Variants in TUSC3 observed in about 807,000 individuals in gnomAD.
The protein encoded by TUSC3 is tumor suppressor candidate 3.
A neutral mutation model predicts 44.8 loss-of-function variants in TUSC3; 45 were observed. The ratio of observed to expected loss-of-function variants is 1.00; its 90% CI spans 0.79 to 1.29. The LOEUF (loss-of-function observed/expected upper bound fraction) is 1.29. Among genes scored for constraint, TUSC3 ranks in the 50% most tolerant of loss-of-function variants. The pLI is 0.00. For missense variants in TUSC3, 519 were observed against 437.9 expected (o/e 1.19, Z -1.65); for synonymous variants, 212 against 152.9 (o/e 1.39, Z -2.85).
chr8:15,796,621 T>C, the TUSC3 span, among the ~76,000 whole-genome samples: 15 of 152,170 alleles, frequency 9.9e-5, no homozygotes, highest in Non-Finnish European at 1.6e-4. Flanking sequence ...GAACCAGCCA[T>C]AGGCATTTAG....
intron 8 of TUSC3, among the ~76,000 whole-genome samples, chr8:15,747,329 T>C (rs1000241847): frequency 6.6e-6 from 1 of 152,074 alleles, no homozygotes; most frequent in Admixed American, 6.6e-5. Context: ...ATTTTTCAAA[T>C]TGTTTAGAAT....
the TUSC3 span, among the ~76,000 whole-genome samples, chr8:15,827,073 C>T: frequency 4.9e-4 from 75 of 152,272 alleles, no homozygotes; most frequent in Non-Finnish European, 8.2e-4. Flanking sequence ...ACATTTCTGA[C>T]ATTAGCATCC....
chr8:15,538,443 T>C (rs1197144010), upstream of TUSC3, among the ~76,000 whole-genome samples: 2 of 151,940 alleles, frequency 1.3e-5, no homozygotes, highest in African/African-American at 2.4e-5. Context: ...AAAAGTGATA[T>C]ATATTTGTAA....
the TUSC3 span, chr8:15,806,424 A>T: frequency 1.4e-5 from 9 of 654,940 alleles, no homozygotes; most frequent in East Asian, 2.5e-4. Flanking sequence ...TGCATTTGGA[A>T]ACCAGAGAAA....
chr8:15,623,638 C>A (rs1805352268), intron 2 of TUSC3, among the ~76,000 whole-genome samples: 1 of 151,450 alleles, frequency 6.6e-6, no homozygotes, highest in Admixed American at 6.6e-5. Flanking sequence ...TTGATACCGC[C>A]AATGATTAGA....
At chr8:15,623,414 T>C (rs1805340805) in intron 2 of TUSC3, among the ~76,000 whole-genome samples, 165 bp downstream of exon 2, 1 of 152,192 alleles carries the variant, frequency 6.6e-6, no homozygotes, top group Admixed American at 6.5e-5. Context: ...TTTAGAAATA[T>C]AGGCTAATAT....
intron 6 of TUSC3, among the ~76,000 whole-genome samples, chr8:15,712,981 A>G (rs143020113): frequency 2.6e-5 from 4 of 152,254 alleles, no homozygotes; most frequent in South Asian, 4.1e-4. Context: ...ATGCTGTTAA[A>G]TCAGTTGGAT....
intron 1 of TUSC3, among the ~76,000 whole-genome samples, chr8:15,605,289 T>C (rs760069741): frequency 6.6e-6 from 1 of 151,920 alleles, no homozygotes; most frequent in Non-Finnish European, 1.5e-5. Flanking sequence ...TTACTTGTCT[T>C]TTAGTCACTC....
At chr8:15,450,312 C>T (rs1466241632) in intron 1 of TUSC3, among the ~76,000 whole-genome samples, 2 of 152,070 alleles carry the variant, frequency 1.3e-5, no homozygotes, top group East Asian at 3.8e-4. Context: ...AAAACTGCCC[C>T]TTTATACATA....
chr8:15,786,669 G>A, the TUSC3 span, among the ~76,000 whole-genome samples: 4 of 152,072 alleles, frequency 2.6e-5, 1 homozygote, highest in Non-Finnish European at 4.4e-5. Context: ...GGTGGGCCAG[G>A]CATGGTGTCT....
At chr8:15,476,683 C>T (rs537763614) in intron 1 of TUSC3, among the ~76,000 whole-genome samples, 48 of 152,170 alleles carry the variant, frequency 3.2e-4, no homozygotes, top group Non-Finnish European at 5.7e-4. Flanking sequence ...TTATTGAAAA[C>T]AAAAGTACCC....
the TUSC3 span, among the ~76,000 whole-genome samples, chr8:15,784,826 G>T: frequency 6.6e-6 from 1 of 152,046 alleles, no homozygotes; most frequent in African/African-American, 2.4e-5. Flanking sequence ...GTAAGTTCTG[G>T]TTACCTATTG....
intron 1 of TUSC3, among the ~76,000 whole-genome samples, chr8:15,604,401 A>G (rs985804424): frequency 6.6e-6 from 1 of 151,726 alleles, no homozygotes; most frequent in Non-Finnish European, 1.5e-5. Context: ...ATTCGATGAT[A>G]ATTGTCATTG....
At chr8:15,701,938 A>G (rs747016287) in intron 6 of TUSC3, among the ~76,000 whole-genome samples, 15 of 152,208 alleles carry the variant, frequency 9.9e-5, no homozygotes, top group Non-Finnish European at 2.1e-4. Context: ...TTGCCAGGCA[A>G]AGATTTCCTT....
chr8:15,577,921 T>C (rs1313899105), intron 1 of TUSC3, among the ~76,000 whole-genome samples: 1 of 150,912 alleles, frequency 6.6e-6, no homozygotes, highest in Non-Finnish European at 1.5e-5. Flanking sequence ...GCCATTTTTA[T>C]GATACTGATT....
rs1263517095 is a variant in TUSC3 at position 15,573,160 on chromosome 8, CTCTCTCTT to C, written c.138+32600_138+32607del. ...TTAACTATTGCTTCAGTATAGTGTT[CTCTCTCTT>C]TCTCTCTCTCTCTCTCTCTCTCTCT... On this transcript the variant is annotated intron_variant, in intron 1 of 10. Coordinates refer to ENST00000503731, the MANE Select transcript of TUSC3 (RefSeq NM_006765.4). Among the ~76,000 whole-genome samples, 95 of 102,668 alleles carry C rather than the reference CTCTCTCTT, an allele frequency of 9.3e-4. 1 individual carries two copies. The highest frequency in any genetic ancestry group is 2.4e-3 in the African/African-American group (59 of 24,486). 67.4% of individuals were successfully genotyped at this position (102,668 alleles called of 152,430 possible).
chr8:15,576,327 T>C (rs1803113055), intron 1 of TUSC3, among the ~76,000 whole-genome samples: 1 of 148,566 alleles, frequency 6.7e-6, no homozygotes, highest in African/African-American at 2.5e-5. Context: ...TTTTTTATTA[T>C]ACTTTAAGTT....
intron 1 of TUSC3, among the ~76,000 whole-genome samples, chr8:15,439,265 A>G (rs1378442944): frequency 6.6e-6 from 1 of 152,162 alleles, no homozygotes; most frequent in Non-Finnish European, 1.5e-5. Context: ...ACAGAGCAAG[A>G]TGGTGAAGGA....
At chr8:15,576,814 T>A (rs1207575343) in intron 1 of TUSC3, among the ~76,000 whole-genome samples, 1,774 of 139,586 alleles carry the variant, frequency 0.013, 45 homozygotes, top group African/African-American at 0.045. Context: ...TATAGTCATT[T>A]GGGTATATAC....
Sources: allele counts gnomAD v4.1 joint callset (sites outside exome capture counted in the v4.1 genomes callset), GRCh38; gene constraint gnomAD v4.1.1; transcripts MANE v1.5; gene names NCBI Gene and HGNC (gene_info 2026-07-23, HGNC 2026-07-21).